RPS6KA5: variants seen among roughly 807,000 people sequenced by gnomAD.
The protein encoded by RPS6KA5 is ribosomal protein S6 kinase alpha-5.
In RPS6KA5, 27 loss-of-function variants were observed where a neutral mutation model predicts 85.5. The observed-to-expected ratio is 0.32, with a 90% confidence interval of 0.23 to 0.44. The LOEUF is 0.44. Among genes scored for constraint, RPS6KA5 ranks in the 20% least tolerant of loss-of-function variants. The probability of loss-of-function intolerance (pLI) is 1.00; values close to 1 mark genes in which losing one functional copy is unlikely to be tolerated. For missense variants in RPS6KA5, 811 were observed against 980.9 expected, an observed-to-expected ratio of 0.83 and a Z score of 2.31; for synonymous variants, 334 against 348.2, an observed-to-expected ratio of 0.96 and a Z score of 0.46.
chr14:90,984,247 T>C (rs970773312), intron 2 of RPS6KA5, among the ~76,000 whole-genome samples: 1 of 152,186 alleles, frequency 6.6e-6, no homozygotes, highest in Non-Finnish European at 1.5e-5. Context: ...GAAAGTACAT[T>C]CTAAGAACAA....
At chr14:90,978,661 G>T in intron 2 of RPS6KA5, 137 bp from the exon 3 acceptor site, 1 of 605,462 alleles carries the variant, frequency 1.7e-6, no homozygotes, top group Non-Finnish European at 2.8e-6. Context: ...AGTTCAAATA[G>T]TTATTTGATA....
chr14:91,046,027 C>T (rs1198532780), intron 1 of RPS6KA5, among the ~76,000 whole-genome samples: 2 of 152,302 alleles, frequency 1.3e-5, no homozygotes, highest in African/African-American at 2.4e-5. Context: ...CAACCAGGGC[C>T]TCAGCTTCAA....
At chr14:91,012,191 A>C (rs1019235374) in intron 1 of RPS6KA5, among the ~76,000 whole-genome samples, 4 of 152,202 alleles carry the variant, frequency 2.6e-5, no homozygotes, top group African/African-American at 9.6e-5. Flanking sequence ...CAAAGAAAGG[A>C]GTTTCAGTCC....
intron 3 of RPS6KA5, among the ~76,000 whole-genome samples, chr14:90,953,579 G>C (rs2038335987): frequency 6.6e-6 from 1 of 152,206 alleles, no homozygotes; most frequent in African/African-American, 2.4e-5. Context: ...CTTGCAGAGA[G>C]CCTACAAACG....
chr14:90,928,661 A>G (rs979378881), intron 5 of RPS6KA5, among the ~76,000 whole-genome samples: 3 of 151,724 alleles, frequency 2.0e-5, no homozygotes, highest in African/African-American at 7.2e-5. Flanking sequence ...TCAAGAAGAA[A>G]TAAAAACTCT....
intron 1 of RPS6KA5, among the ~76,000 whole-genome samples, chr14:91,021,560 A>G (rs1048044954): frequency 6.6e-6 from 1 of 152,022 alleles, no homozygotes; most frequent in Non-Finnish European, 1.5e-5. Flanking sequence ...TTACAGACAC[A>G]TGCCACCATG....
chr14:90,893,674 T>C (rs1224839474), intron 13 of RPS6KA5, among the ~76,000 whole-genome samples: 1 of 152,166 alleles, frequency 6.6e-6, no homozygotes, highest in African/African-American at 2.4e-5. Context: ...AGAATATGTA[T>C]AATCTTGTAT....
rs377187074 is a variant in RPS6KA5 at position 90,902,780 on chromosome 14, T to C, written c.1119+28A>G. The C allele has an allele frequency of 2.1e-5, 33 of 1,597,418 alleles. 1 individual carries two copies. Among genetic ancestry groups the C allele is most frequent in the African/African-American group, 6.7e-5 (5 of 74,386 alleles). ...TTTCTTTCAAAGGACATATGGCCAA[T>C]GTGCATGTGCACAGGATGGGAAATT... On this transcript the variant is annotated intron_variant, in intron 9 of 16. Transcript: ENST00000614987.
chr14:90,876,167 T>C (rs1184242545), intron 14 of RPS6KA5, among the ~76,000 whole-genome samples: 1 of 152,308 alleles, frequency 6.6e-6, no homozygotes. Context: ...TATGACTATA[T>C]TCAGAGCAAT....
intron 5 of RPS6KA5, among the ~76,000 whole-genome samples, chr14:90,938,381 A>G (rs2037392334): frequency 6.6e-6 from 1 of 152,046 alleles, no homozygotes; most frequent in Admixed American, 6.6e-5. Flanking sequence ...GCACGGTGCG[A>G]GCTGTTGGTG....
intron 15 of RPS6KA5, 80 bp downstream of exon 15, chr14:90,875,121 A>C: frequency 7.6e-7 from 1 of 1,319,576 alleles, no homozygotes; most frequent in Non-Finnish European, 1.0e-6. Context: ...TAATTAACAT[A>C]TGAATGTATG....
At chr14:90,984,508 A>C (rs1472243258) in intron 2 of RPS6KA5, among the ~76,000 whole-genome samples, 1 of 152,226 alleles carries the variant, frequency 6.6e-6, no homozygotes, top group East Asian at 1.9e-4. Flanking sequence ...CTTCTGTTCA[A>C]ACTGAAATGT....
chr14:90,871,070 T>C lies in RPS6KA5; in HGVS notation c.*1004A>G, dbSNP rs1465661634. 6.6e-6 allele frequency: 1 copy of C among 152,562 alleles called. No homozygotes were observed. The highest frequency in any genetic ancestry group is 1.5e-5 in the Non-Finnish European group (1 of 68,004). The allele number at this position is 152,562 out of a possible 1,614,324, so 9.5% of individuals were successfully genotyped here. A position where few individuals can be genotyped will look rare whatever the true frequency, so the allele number is the denominator to read the frequency against. ...GACTACAGGAGGAAATTCCTCACTG[T>C]AGTACAACACAGTGTACAAATATGA... is the stretch of plus-strand genomic sequence containing the variant. On this transcript the variant is annotated 3_prime_UTR_variant, in exon 17 of 17. Transcript: ENST00000614987.
At chr14:91,020,577 TGTGTG>T (rs2041711836) in intron 1 of RPS6KA5, among the ~76,000 whole-genome samples, 1 of 140,278 alleles carries the variant, frequency 7.1e-6, no homozygotes, top group Non-Finnish European at 1.6e-5. Flanking sequence ...TGTGTGTGTG[TGTGTG>T]TTTATATGTG....
intron 3 of RPS6KA5, among the ~76,000 whole-genome samples, chr14:90,962,069 G>A (rs1167724795): frequency 2.6e-5 from 4 of 152,060 alleles, no homozygotes; most frequent in Non-Finnish European, 5.9e-5. Context: ...CATCTCTCTT[G>A]ATACACTATA....
intron 12 of RPS6KA5, among the ~76,000 whole-genome samples, chr14:90,896,456 C>A (rs1362651550): frequency 5.3e-5 from 8 of 152,092 alleles, no homozygotes; most frequent in African/African-American, 1.9e-4. Flanking sequence ...TGCCCAGAAC[C>A]TGTGGTTGTT....
At chr14:90,917,314 C>G (rs967878237) in intron 7 of RPS6KA5, among the ~76,000 whole-genome samples, 1 of 152,024 alleles carries the variant, frequency 6.6e-6, no homozygotes, top group Admixed American at 6.6e-5. Flanking sequence ...TCATTTACTT[C>G]CTAGCCTGTC....
intron 2 of RPS6KA5, among the ~76,000 whole-genome samples, chr14:90,987,257 C>T (rs1243432830): frequency 1.3e-5 from 2 of 152,146 alleles, no homozygotes; most frequent in Non-Finnish European, 2.9e-5. Context: ...AATACGGATA[C>T]TTTCCAAACA....
Position 90,864,088 on chromosome 14 carries a change from A to G in RPS6KA5, c.*7986T>C, listed in dbSNP as rs1259429133. On this transcript the variant is annotated 3_prime_UTR_variant, in exon 17 of 17. Transcript: ENST00000614987. ...GGCTACTATTTCACATCATATACAA[A>G]TATCAGCAGTAGATGGACTGTAAAC... 6.6e-6 allele frequency: 1 copy of G among 152,242 alleles called. No homozygotes were observed. The highest frequency in any genetic ancestry group is 1.5e-5 in the Non-Finnish European group (1 of 68,042). 9.4% of individuals were successfully genotyped at this position (152,242 alleles called of 1,614,324 possible).
Sources: allele counts gnomAD v4.1 joint callset (sites outside exome capture counted in the v4.1 genomes callset), GRCh38; gene constraint gnomAD v4.1.1; transcripts MANE v1.5; gene names NCBI Gene and HGNC (gene_info 2026-07-23, HGNC 2026-07-21).